Variants in PRKCB observed in about 807,000 individuals in gnomAD.
PRKCB encodes protein kinase C beta type.
Under a neutral mutation model 81.5 loss-of-function variants are expected in PRKCB, and 13 were observed. The ratio of observed to expected loss-of-function variants is 0.16; its 90% CI spans 0.10 to 0.25. The LOEUF (loss-of-function observed/expected upper bound fraction) is 0.25. PRKCB is among the 10% of genes least tolerant of loss of function. The probability of loss-of-function intolerance (pLI) is 1.00; values close to 1 mark genes in which losing one functional copy is unlikely to be tolerated. For synonymous variants in PRKCB, 335 were observed against 321.4 expected (o/e 1.04, Z -0.45); for missense variants, 509 against 875.7 (o/e 0.58, Z 5.29).
chr16:24,019,131 T>C (rs1965325661), intron 3 of PRKCB, among the ~76,000 whole-genome samples: 1 of 152,110 alleles, frequency 6.6e-6, no homozygotes, highest in South Asian at 2.1e-4. Flanking sequence ...CTTTATTCTC[T>C]CTTGCCTCCA....
intron 2 of PRKCB, among the ~76,000 whole-genome samples, chr16:23,940,160 A>T (rs1964121380): frequency 1.3e-5 from 2 of 152,220 alleles, no homozygotes; most frequent in Admixed American, 1.3e-4. Flanking sequence ...ATCACTACAG[A>T]TCAAAATGTC....
At chr16:23,955,125 G>T (rs1031197654) in intron 2 of PRKCB, among the ~76,000 whole-genome samples, 1 of 152,050 alleles carries the variant, frequency 6.6e-6, no homozygotes, top group Admixed American at 6.5e-5. Context: ...GGGAGGTTGA[G>T]GCACGACAAT....
intron 9 of PRKCB, among the ~76,000 whole-genome samples, chr16:24,134,735 C>G (rs1398357148): frequency 6.1e-5 from 9 of 146,652 alleles, no homozygotes; most frequent in Admixed American, 3.4e-4. Flanking sequence ...GGCGACAGAG[C>G]GAGACTCCGT....
intron 15 of PRKCB, among the ~76,000 whole-genome samples, chr16:24,186,310 C>T (rs1967703590): frequency 6.6e-6 from 1 of 152,200 alleles, no homozygotes; most frequent in Non-Finnish European, 1.5e-5. Flanking sequence ...CCAGAATGCA[C>T]ATGCTTCTGC....
At chr16:24,121,959 G>T (rs1408053365) in intron 8 of PRKCB, among the ~76,000 whole-genome samples, 2 of 152,198 alleles carry the variant, frequency 1.3e-5, no homozygotes, top group Non-Finnish European at 2.9e-5. Context: ...CTAGGTACCA[G>T]GGAAACAGTG....
intron 2 of PRKCB, among the ~76,000 whole-genome samples, chr16:23,934,353 G>T (rs195988): frequency 2.0e-5 from 3 of 149,312 alleles, no homozygotes; most frequent in Non-Finnish European, 4.4e-5. Context: ...AAAAGCTCTA[G>T]TTTTCCCTTA....
At chr16:24,062,761 A>C (rs1022915944) in intron 5 of PRKCB, among the ~76,000 whole-genome samples, 1 of 152,006 alleles carries the variant, frequency 6.6e-6, no homozygotes, top group Non-Finnish European at 1.5e-5. Context: ...GGACTGTGAC[A>C]TTACTGGCCC....
intron 2 of PRKCB, among the ~76,000 whole-genome samples, chr16:23,860,239 CA>C (rs897761732): frequency 3.6e-4 from 54 of 151,448 alleles, no homozygotes; most frequent in Non-Finnish European, 5.5e-4. Context: ...CACTTAGTAC[CA>C]AAAAAAAGTA....
chr16:24,171,044 A>G (rs1967433073), intron 10 of PRKCB, among the ~76,000 whole-genome samples: 1 of 152,088 alleles, frequency 6.6e-6, no homozygotes, highest in South Asian at 2.1e-4. Context: ...TTTGTTTTTG[A>G]TAGCCACTAT....
intron 16 of PRKCB, among the ~76,000 whole-genome samples, chr16:24,199,996 A>G (rs1351573449): frequency 6.6e-6 from 1 of 152,250 alleles, no homozygotes; most frequent in African/African-American, 2.4e-5. Context: ...TATTCTTACA[A>G]TTCAAATGAT....
chr16:24,032,357 T>C (rs1327549917), intron 4 of PRKCB, 110 bp downstream of exon 4: 2 of 648,072 alleles, frequency 3.1e-6, no homozygotes, highest in Non-Finnish European at 5.3e-6. Flanking sequence ...CCTGTCCTCG[T>C]TGGGGCTGGT....
At chr16:23,848,553 C>T (rs540711048) in intron 2 of PRKCB, among the ~76,000 whole-genome samples, 10 of 152,278 alleles carry the variant, frequency 6.6e-5, no homozygotes, top group South Asian at 2.1e-4. Context: ...TCCTTAGACG[C>T]GGAGGGCCGT....
intron 9 of PRKCB, among the ~76,000 whole-genome samples, chr16:24,136,462 G>A (rs1966865030): frequency 1.3e-5 from 2 of 152,162 alleles, no homozygotes; most frequent in Non-Finnish European, 2.9e-5. Flanking sequence ...GCTTCCAGCA[G>A]TCTGATAACC....
At chr16:24,061,923 A>AC (rs1965979034) in intron 5 of PRKCB, among the ~76,000 whole-genome samples, 1 of 149,390 alleles carries the variant, frequency 6.7e-6, no homozygotes, top group Non-Finnish European at 1.5e-5. Flanking sequence ...AAAAAAAAAA[A>AC]AAAAAAAAAA....
intron 16 of PRKCB, 101 bp from the exon 17 acceptor site, chr16:24,214,557 G>A: frequency 2.2e-6 from 2 of 918,554 alleles, no homozygotes; most frequent in East Asian, 2.5e-5. Flanking sequence ...GGAAGGGAAT[G>A]GAGAAAAGCA....
chr16:24,108,959 G>A (rs1294214617), intron 7 of PRKCB, among the ~76,000 whole-genome samples: 5 of 147,252 alleles, frequency 3.4e-5, no homozygotes, highest in Admixed American at 6.7e-5. Context: ...CTTCCCGGAT[G>A]GGGGGGCTGG....
intron 16 of PRKCB, among the ~76,000 whole-genome samples, chr16:24,200,415 C>G (rs755914042): frequency 2.2e-4 from 34 of 152,330 alleles, no homozygotes; most frequent in South Asian, 8.3e-4. Context: ...AACTTCAGAT[C>G]AAACCAGGCT....
At chr16:24,210,923 G>T (rs1440520734) in intron 16 of PRKCB, among the ~76,000 whole-genome samples, 1 of 152,224 alleles carries the variant, frequency 6.6e-6, no homozygotes, top group Non-Finnish European at 1.5e-5. Context: ...ATGAAGCATG[G>T]ATTTTGTATC....
chr16:24,094,414 G>C (rs1272471408), intron 7 of PRKCB, 117 bp downstream of exon 7: 1 of 1,357,634 alleles, frequency 7.4e-7, no homozygotes. Flanking sequence ...CCAAAGTGAA[G>C]TCTGGTTGAT....
Sources: gnomAD v4.1 joint callset for allele counts (sites outside exome capture counted in the v4.1 genomes callset) on GRCh38, gnomAD v4.1.1 for gene constraint, MANE v1.5 for transcripts, NCBI Gene and HGNC (gene_info 2026-07-23, HGNC 2026-07-21) for gene names.